HSF2BP: variants seen among roughly 807,000 people sequenced by gnomAD.
HSF2BP encodes the protein heat shock transcription factor 2 binding protein.
A neutral mutation model predicts 35.0 loss-of-function variants in HSF2BP; 35 were observed. That is an observed-to-expected ratio of 1.00 (90% confidence interval 0.76 to 1.32). The LOEUF (loss-of-function observed/expected upper bound fraction) is 1.32, where lower values mean the gene tolerates loss of function less well. Among genes scored for constraint, HSF2BP ranks in the 40% most tolerant of loss-of-function variants. HSF2BP has a pLI of 0.00. For synonymous variants in HSF2BP, 114 were observed against 117.4 expected, an observed-to-expected ratio of 0.97 and a Z score of 0.18; for missense variants, 326 against 321.7, an observed-to-expected ratio of 1.01 and a Z score of -0.10.
At chr21:43,578,840 C>T (rs1179698067) in intron 8 of HSF2BP, among the ~76,000 whole-genome samples, 1 of 152,210 alleles carries the variant, frequency 6.6e-6, no homozygotes, top group African/African-American at 2.4e-5. Flanking sequence ...CTGCTCCACC[C>T]AGGTCTCTGT....
chr21:43,630,520 T>G (rs751240449), intron 5 of HSF2BP, 66 bp from the exon 6 acceptor site: 54 of 1,524,314 alleles, frequency 3.5e-5, no homozygotes, highest in Non-Finnish European at 4.7e-5. Flanking sequence ...ATTTTAAAAG[T>G]GCAGGATACA....
chr21:43,632,175 T>C (rs1265798586), intron 5 of HSF2BP, among the ~76,000 whole-genome samples: 12 of 39,530 alleles, frequency 3.0e-4, no homozygotes, highest in African/African-American at 3.8e-4. Flanking sequence ...ACACACACGC[T>C]CCCCCACACA....
At chr21:43,577,942 G>A (rs2081665059) in intron 8 of HSF2BP, among the ~76,000 whole-genome samples, 1 of 152,116 alleles carries the variant, frequency 6.6e-6, no homozygotes, top group African/African-American at 2.4e-5. Flanking sequence ...TACTTTGTGA[G>A]ATCTACTCCC....
the HSF2BP span, among the ~76,000 whole-genome samples, chr21:43,467,895 CCACACACACGCA>C: frequency 8.7e-6 from 1 of 114,970 alleles, no homozygotes; most frequent in Non-Finnish European, 1.9e-5. Flanking sequence ...ACACCACACA[CCACACACACGCA>C]CCACACACCA....
chr21:43,627,675 C>A (rs1041063480), intron 6 of HSF2BP, among the ~76,000 whole-genome samples: 2 of 152,176 alleles, frequency 1.3e-5, no homozygotes, highest in African/African-American at 2.4e-5. Context: ...CTGTAAACAC[C>A]AGTCTCTGTA....
At chr21:43,646,544 T>C (rs1030495531) in intron 3 of HSF2BP, among the ~76,000 whole-genome samples, 2 of 152,184 alleles carry the variant, frequency 1.3e-5, no homozygotes, top group Non-Finnish European at 1.5e-5. Flanking sequence ...TACTCAAACA[T>C]GGTAAAAGAG....
rs186926232 is a variant in HSF2BP, at chr21:43,613,023, A to T, written c.692+807T>A. Among the ~76,000 whole-genome samples, 4 of 152,348 alleles carry T rather than the reference A, an allele frequency of 2.6e-5. No homozygotes were observed. In the East Asian group the frequency reaches 7.7e-4, roughly 29 times the overall value. ...TAACCAGCTGACTCAAGAGTTAATC[A>T]AAAGGAGTTTATCCAGGTATGCCTC... On this transcript the variant is annotated intron_variant, in intron 7 of 8. Transcript: ENST00000291560.
chr21:43,632,455 TCAAA>T (rs1413046222), intron 5 of HSF2BP, among the ~76,000 whole-genome samples: 3 of 111,970 alleles, frequency 2.7e-5, no homozygotes, highest in Non-Finnish European at 5.2e-5. Context: ...ATGCACATGC[TCAAA>T]CACACATGCT....
intron 7 of HSF2BP, among the ~76,000 whole-genome samples, chr21:43,611,472 A>G (rs1474445274): frequency 1.3e-5 from 2 of 152,224 alleles, no homozygotes; most frequent in Non-Finnish European, 1.5e-5. Flanking sequence ...TAGCAGGCAG[A>G]TAGGGGAAGA....
At chr21:43,572,029 T>G (rs2081583977) in intron 8 of HSF2BP, among the ~76,000 whole-genome samples, 1 of 152,198 alleles carries the variant, frequency 6.6e-6, no homozygotes, top group Admixed American at 6.5e-5. Context: ...AATCAGAGTC[T>G]GCAGGACACA....
chr21:43,643,471 G>A (rs2082666537), intron 4 of HSF2BP, among the ~76,000 whole-genome samples: 1 of 152,082 alleles, frequency 6.6e-6, no homozygotes, highest in Admixed American at 6.6e-5. Context: ...GTTTCCCTGA[G>A]AGCAGGTTGG....
chr21:43,645,397 G>T (rs2082695080), intron 3 of HSF2BP, among the ~76,000 whole-genome samples: 1 of 152,080 alleles, frequency 6.6e-6, no homozygotes, highest in Non-Finnish European at 1.5e-5. Context: ...CACACTTTGA[G>T]AACTACTTCT....
chr21:43,607,289 C>CAA (rs751689164), intron 7 of HSF2BP, among the ~76,000 whole-genome samples: 1 of 93,830 alleles, frequency 1.1e-5, no homozygotes, highest in Non-Finnish European at 2.2e-5. Context: ...GACCCTGTCT[C>CAA]AAAAAAAAAA....
chr21:43,629,940 T>C (rs988608386), intron 6 of HSF2BP, among the ~76,000 whole-genome samples: 3 of 152,222 alleles, frequency 2.0e-5, no homozygotes, highest in Non-Finnish European at 4.4e-5. Flanking sequence ...AAAGGAAGAA[T>C]TAATCAATGT....
chr21:43,616,056 T>A (rs1365321145), intron 6 of HSF2BP, among the ~76,000 whole-genome samples: 69 of 145,256 alleles, frequency 4.8e-4, no homozygotes, highest in East Asian at 1.9e-3. Context: ...AAAAAAAATA[T>A]ATATATATAT....
At chr21:43,592,945 G>A (rs1452015740) in intron 7 of HSF2BP, among the ~76,000 whole-genome samples, 1 of 152,164 alleles carries the variant, frequency 6.6e-6, no homozygotes, top group African/African-American at 2.4e-5. Context: ...TTTGGTTTCT[G>A]CAAATACTGC....
chr21:43,625,263 A>T (rs891467573), intron 6 of HSF2BP, among the ~76,000 whole-genome samples: 4 of 152,160 alleles, frequency 2.6e-5, no homozygotes, highest in Non-Finnish European at 4.4e-5. Context: ...CTGAAAAATG[A>T]CGAAAGACAA....
At chr21:43,610,702 G>A (rs1001204736) in intron 7 of HSF2BP, among the ~76,000 whole-genome samples, 4 of 152,148 alleles carry the variant, frequency 2.6e-5, no homozygotes, top group African/African-American at 9.7e-5. Flanking sequence ...AAGGACGTGG[G>A]AAACACGAAC....
In HSF2BP at chr21:43,611,934, C is replaced by A. The variant is rs143352465; in HGVS notation, c.692+1896G>T. Among the ~76,000 whole-genome samples, 6 of 152,284 alleles carry A rather than the reference C, an allele frequency of 3.9e-5. No individual in the cohort carries two copies. In the East Asian group the frequency reaches 1.2e-3, roughly 29 times the overall value. ...CAAAAAGTTGTTTATAAATTCCTGG[C>A]CTCATCCCAAGTTGTGCCTGTGTGG... On this transcript the variant is annotated intron_variant, in intron 7 of 8. Transcript: ENST00000291560.
Sources: allele counts gnomAD v4.1 joint callset (sites outside exome capture counted in the v4.1 genomes callset), GRCh38; gene constraint gnomAD v4.1.1; transcripts MANE v1.5; gene names NCBI Gene and HGNC (gene_info 2026-07-23, HGNC 2026-07-21).